The following TMEM132C variants were observed in gnomAD, a reference collection of about 807,000 sequenced individuals.
TMEM132C encodes transmembrane protein 132C, also known as protein phosphatase 1, regulatory subunit 152.
TMEM132C carries 29 observed loss-of-function variants against 61.4 expected under a neutral mutation model. The ratio of observed to expected loss-of-function variants is 0.47; its 90% CI spans 0.35 to 0.64. The LOEUF (loss-of-function observed/expected upper bound fraction) is 0.64, where lower values mean the gene tolerates loss of function less well. TMEM132C is among the 30% of genes least tolerant of loss of function. The pLI, the probability that TMEM132C is intolerant of heterozygous loss-of-function variation, is 0.00. For synonymous variants in TMEM132C, 656 were observed against 633.1 expected (o/e 1.04, Z -0.54); for missense variants, 1,408 against 1,476.9 (o/e 0.95, Z 0.76).
At chr12:128,609,005 G>C (rs1039247722) in intron 3 of TMEM132C, among the ~76,000 whole-genome samples, 1 of 151,778 alleles carries the variant, frequency 6.6e-6, no homozygotes, top group Non-Finnish European at 1.5e-5. Context: ...TGGCTTGTTT[G>C]GGTTTTTAGT....
At chr12:128,539,844 G>T (rs982739122) in intron 2 of TMEM132C, among the ~76,000 whole-genome samples, 2 of 152,106 alleles carry the variant, frequency 1.3e-5, no homozygotes, top group African/African-American at 2.4e-5. Context: ...TATTGATCAC[G>T]TGGCCTGGTG....
In TMEM132C at chr12:128,501,776, T is replaced by A. The variant is rs1017588619; in HGVS notation, c.975-42181T>A. 3.3e-5 allele frequency among the ~76,000 whole-genome samples: 5 copies of A among 152,252 alleles called. 1 individual carries two copies. The highest frequency in any genetic ancestry group is 1.2e-4 in the African/African-American group (5 of 41,474). ...CTGAGAGCAGCAGCAGCAGCATCTA[T>A]GTATCCAGATGAACTTTTTGTAAGG... On this transcript the variant is annotated intron_variant, in intron 2 of 8. Coordinates refer to ENST00000435159, the MANE Select transcript of TMEM132C (RefSeq NM_001136103.3).
chr12:128,403,616 G>C (rs932243498), intron 1 of TMEM132C, among the ~76,000 whole-genome samples: 2 of 152,188 alleles, frequency 1.3e-5, no homozygotes, highest in African/African-American at 4.8e-5. Context: ...TGAGTGCTTA[G>C]TTTATTGCTT....
At chr12:128,573,929 G>A (rs918154742) in intron 3 of TMEM132C, among the ~76,000 whole-genome samples, 12 of 149,004 alleles carry the variant, frequency 8.1e-5, no homozygotes, top group African/African-American at 2.9e-4. Context: ...GGTGAAAATA[G>A]GACTCCATTT....
At chr12:128,453,558 G>C (rs191121994) in intron 2 of TMEM132C, among the ~76,000 whole-genome samples, 68 of 152,234 alleles carry the variant, frequency 4.5e-4, no homozygotes, top group African/African-American at 1.3e-3. Flanking sequence ...TCAAGGAAAG[G>C]GATATTTGAC....
At chr12:128,675,389 C>T (rs994304892) in intron 5 of TMEM132C, among the ~76,000 whole-genome samples, 1 of 152,176 alleles carries the variant, frequency 6.6e-6, no homozygotes, top group African/African-American at 2.4e-5. Context: ...TGAGGTCACG[C>T]AACTTGTACA....
At chr12:128,355,374 G>A (rs1194399357) in intron 1 of TMEM132C, among the ~76,000 whole-genome samples, 1 of 152,142 alleles carries the variant, frequency 6.6e-6, no homozygotes, top group Non-Finnish European at 1.5e-5. Context: ...GCACAGTGAA[G>A]TTGCTTTTTA....
intron 3 of TMEM132C, among the ~76,000 whole-genome samples, chr12:128,587,684 G>A (rs1875601128): frequency 6.6e-6 from 1 of 152,170 alleles, no homozygotes; most frequent in Admixed American, 6.5e-5. Flanking sequence ...CAGCCTTCAA[G>A]CTCAGGACTT....
chr12:128,684,337 A>G (rs1954657976), intron 5 of TMEM132C, among the ~76,000 whole-genome samples: 1 of 151,872 alleles, frequency 6.6e-6, no homozygotes, highest in Admixed American at 6.6e-5. Context: ...AAGCAGTGCA[A>G]ACTCTAGCAC....
At chr12:128,624,436 T>C (rs970569447) in intron 4 of TMEM132C, among the ~76,000 whole-genome samples, 5 of 147,692 alleles carry the variant, frequency 3.4e-5, no homozygotes, top group African/African-American at 1.3e-4. Flanking sequence ...CCCAGCTACT[T>C]GGGAGGCTGA....
At chr12:128,653,910 G>A (rs1593135950) in intron 4 of TMEM132C, among the ~76,000 whole-genome samples, 1 of 152,202 alleles carries the variant, frequency 6.6e-6, no homozygotes, top group Non-Finnish European at 1.5e-5. Flanking sequence ...AGGCCAGAAG[G>A]GCGGGAATCC....
chr12:128,607,625 G>A (rs568394058), intron 3 of TMEM132C, among the ~76,000 whole-genome samples: 10 of 152,296 alleles, frequency 6.6e-5, no homozygotes, highest in African/African-American at 2.2e-4. Context: ...GTTGGACTAG[G>A]TGTGGCATGT....
At chr12:128,312,724 C>A (rs958285826) in intron 1 of TMEM132C, among the ~76,000 whole-genome samples, 7 of 152,206 alleles carry the variant, frequency 4.6e-5, no homozygotes, top group African/African-American at 1.7e-4. Flanking sequence ...ACCCTGCCAA[C>A]ACCTTGATTT....
At chr12:128,374,546 C>A (rs528471529) in intron 1 of TMEM132C, among the ~76,000 whole-genome samples, 1 of 152,180 alleles carries the variant, frequency 6.6e-6, no homozygotes, top group South Asian at 2.1e-4. Context: ...CTATTTGGCG[C>A]CTGACAGCTA....
intron 3 of TMEM132C, among the ~76,000 whole-genome samples, chr12:128,555,904 A>G (rs1874317147): frequency 2.0e-5 from 3 of 152,026 alleles, no homozygotes; most frequent in Non-Finnish European, 4.4e-5. Flanking sequence ...TGTGTGTGGA[A>G]AAAGGGTCTC....
At chr12:128,616,001 A>T in intron 3 of TMEM132C, 151 bp from the exon 4 acceptor site, 1 of 860,240 alleles carries the variant, frequency 1.2e-6, no homozygotes, top group Non-Finnish European at 1.8e-6. Context: ...CTCACTTTGT[A>T]GGTGGTTCCA....
intron 1 of TMEM132C, among the ~76,000 whole-genome samples, chr12:128,301,901 T>G (rs748846177): frequency 8.5e-5 from 13 of 152,296 alleles, no homozygotes; most frequent in Non-Finnish European, 1.3e-4. Context: ...ACATCTTACA[T>G]GGTGGCAGAT....
At chr12:128,516,807 G>T (rs1872733653) in intron 2 of TMEM132C, among the ~76,000 whole-genome samples, 1 of 151,240 alleles carries the variant, frequency 6.6e-6, no homozygotes, top group South Asian at 2.1e-4. Flanking sequence ...CCAGCTATTT[G>T]GGAGGCTGAG....
At chr12:128,471,506 C>T (rs563281425) in intron 2 of TMEM132C, among the ~76,000 whole-genome samples, 5 of 152,160 alleles carry the variant, frequency 3.3e-5, no homozygotes, top group African/African-American at 1.2e-4. Flanking sequence ...AGGCATAGCT[C>T]TGAAAAAAGA....
Sources: allele counts gnomAD v4.1 joint callset (sites outside exome capture counted in the v4.1 genomes callset), GRCh38; gene constraint gnomAD v4.1.1; transcripts MANE v1.5; gene names NCBI Gene and HGNC (gene_info 2026-07-23, HGNC 2026-07-21).